AKAP7: variants seen among roughly 807,000 people sequenced by gnomAD.
AKAP7 encodes the protein A kinase (PRKA) anchor protein 7.
AKAP7 carries 39 observed loss-of-function variants against 39.5 expected under a neutral mutation model. The observed-to-expected ratio is 0.99, with a 90% CI of 0.76 to 1.29. AKAP7 has a LOEUF of 1.29. AKAP7 is among the 50% of genes most tolerant of loss of function. The probability of loss-of-function intolerance (pLI) is 0.00; values close to 1 mark genes in which losing one functional copy is unlikely to be tolerated. For missense variants in AKAP7, 414 were observed against 407.7 expected (o/e 1.02, Z -0.13); for synonymous variants, 140 against 139.1 (o/e 1.01, Z -0.05).
intron 6 of AKAP7, among the ~76,000 whole-genome samples, chr6:131,217,909 C>G (rs1188124721): frequency 6.6e-6 from 1 of 152,150 alleles, no homozygotes; most frequent in African/African-American, 2.4e-5. Context: ...CTGCACACCC[C>G]TACACACACA....
intron 7 of AKAP7, chr6:131,250,741 T>G: frequency 1.1e-6 from 1 of 948,898 alleles, no homozygotes; most frequent in Non-Finnish European, 1.6e-6. Flanking sequence ...TGGTTTTTAA[T>G]GTGTGTTTCT....
intron 4 of AKAP7, among the ~76,000 whole-genome samples, chr6:131,166,317 AAAG>A (rs1197075135): frequency 6.6e-6 from 1 of 152,172 alleles, no homozygotes; most frequent in Non-Finnish European, 1.5e-5. Flanking sequence ...AAGAGAATCC[AAAG>A]AAGATACTAC....
At chr6:131,198,449 G>T (rs1807175413) in intron 5 of AKAP7, among the ~76,000 whole-genome samples, 1 of 152,118 alleles carries the variant, frequency 6.6e-6, no homozygotes, top group African/African-American at 2.4e-5. Flanking sequence ...CTTGGGCATT[G>T]TTCTGGTACA....
In AKAP7 at chr6:131,165,196, T is replaced by G; in HGVS notation, c.407T>G (p.Leu136Ter). The G allele has an allele frequency of 6.2e-7, 1 of 1,607,228 alleles. No individual in the cohort carries two copies. The highest frequency in any genetic ancestry group is 8.5e-7 in the Non-Finnish European group (1 of 1,176,686). Residue 136 changes from leucine (L) to a stop codon, truncating the protein, a stop_gained, in exon 4 of 8, where the codon TTA becomes TGA. Transcript: ENST00000431975. LOFTEE classifies it high-confidence loss of function. Reference protein sequence around the residue: ...FHITLLVMQLLNEDEVNIGID... With the variant: ...FHITLLVMQL The stretch of plus-strand genomic sequence containing the variant: ...ATTACCCTGCTGGTGATGCAATTAT[T>G]AAATGAAGATGAAGTAAACATGTGA...
Position 131,165,123 on chromosome 6 carries a change from C to T in AKAP7, c.334C>T (p.Gln112Ter). ...IKILQNAIIQ[Q>*]DERLAKAMVS... Reference sequence around the variant, plus strand: ...GATCCTGCAGAATGCAATAATACAACAAGATGAGCGACTGGCCAAAGCAAT... The same window carrying T: ...GATCCTGCAGAATGCAATAATACAATAAGATGAGCGACTGGCCAAAGCAAT... The change falls in exon 4 of 8, where the codon CAA becomes TAA. Residue 112 changes from glutamine to a stop codon, truncating the protein, a stop_gained. Transcript: ENST00000431975. LOFTEE classifies it high-confidence loss of function. 1 of 1,611,396 alleles carries T rather than the reference C, an allele frequency of 6.2e-7. No individual in the cohort carries two copies. Among genetic ancestry groups the T allele is most frequent in the South Asian group, 1.1e-5 (1 of 90,660 alleles).
intron 5 of AKAP7, among the ~76,000 whole-genome samples, chr6:131,183,432 C>G (rs1452954914): frequency 6.6e-6 from 1 of 152,116 alleles, no homozygotes; most frequent in African/African-American, 2.4e-5. Context: ...GGCTGAATGC[C>G]CAGGTCCAGG....
chr6:131,280,267 A>C (rs1228024746), intron 7 of AKAP7, among the ~76,000 whole-genome samples: 1 of 152,088 alleles, frequency 6.6e-6, no homozygotes, highest in Admixed American at 6.5e-5. Flanking sequence ...GGTTCCCACT[A>C]TTAGTGTTTC....
Position 131,196,875 on chromosome 6 carries a change from T to G in AKAP7, c.590-2586T>G, listed in dbSNP as rs187249860. Among the ~76,000 whole-genome samples, 410 of 152,296 alleles carry G rather than the reference T, an allele frequency of 2.7e-3. 1 individual carries two copies. The highest frequency in any genetic ancestry group is 9.4e-3 in the African/African-American group (392 of 41,570). Reference sequence around the variant, plus strand: ...TTGTTAATGTATAGTGCATTTGTTATTGTGCTTATTTTATGTTTTAATTTT... The same window carrying G: ...TTGTTAATGTATAGTGCATTTGTTAGTGTGCTTATTTTATGTTTTAATTTT... On this transcript the variant is annotated intron_variant, in intron 5 of 7. Coordinates refer to ENST00000431975, the MANE Select transcript of AKAP7 (RefSeq NM_016377.4).
At chr6:131,144,848 G>T (rs12206629) in intron 1 of AKAP7, among the ~76,000 whole-genome samples, 31,120 of 152,110 alleles carry the variant, frequency 0.2, 3,824 homozygotes, top group Non-Finnish European at 0.27. Context: ...CAACTTAAAA[G>T]TCTTTATTGA....
At chr6:131,162,744 G>A (rs1336540114) in intron 3 of AKAP7, among the ~76,000 whole-genome samples, 1 of 152,122 alleles carries the variant, frequency 6.6e-6, no homozygotes, top group Non-Finnish European at 1.5e-5. Flanking sequence ...TCTGGCTGGA[G>A]CTTTCTCTTT....
chr6:131,274,644 C>T (rs1485516022), intron 7 of AKAP7, among the ~76,000 whole-genome samples: 2 of 152,060 alleles, frequency 1.3e-5, no homozygotes, highest in East Asian at 1.9e-4. Context: ...AGCTCTCTGC[C>T]TCTATATTTG....
At chr6:131,278,683 C>T (rs541271980) in intron 7 of AKAP7, among the ~76,000 whole-genome samples, 84 of 152,208 alleles carry the variant, frequency 5.5e-4, no homozygotes, top group African/African-American at 1.9e-3. Flanking sequence ...AGGTGCTACA[C>T]ATTTTCAAAC....
chr6:131,251,017 A>G (rs899280325), intron 7 of AKAP7, among the ~76,000 whole-genome samples: 5 of 152,250 alleles, frequency 3.3e-5, no homozygotes, highest in African/African-American at 1.2e-4. Context: ...GCAATGCTCA[A>G]CAGTAACAAA....
chr6:131,243,676 C>A (rs562599842), intron 7 of AKAP7, among the ~76,000 whole-genome samples: 1 of 152,150 alleles, frequency 6.6e-6, no homozygotes, highest in South Asian at 2.1e-4. Context: ...TGCCCAAGGT[C>A]AAACACTGGG....
the AKAP7 span, among the ~76,000 whole-genome samples, chr6:131,129,130 T>C: frequency 6.6e-6 from 1 of 151,630 alleles, no homozygotes. Context: ...CTACTAAAAA[T>C]ACAAAAATTA....
chr6:131,194,170 T>G (rs1040188060), intron 5 of AKAP7, among the ~76,000 whole-genome samples: 1 of 152,026 alleles, frequency 6.6e-6, no homozygotes, highest in Non-Finnish European at 1.5e-5. Flanking sequence ...TGTAGGCACT[T>G]AAAACAATAA....
At chr6:131,185,787 A>T (rs1422776262) in intron 5 of AKAP7, among the ~76,000 whole-genome samples, 1 of 152,190 alleles carries the variant, frequency 6.6e-6, no homozygotes, top group African/African-American at 2.4e-5. Context: ...TCATTCTATT[A>T]TATCCTATGA....
chr6:131,139,269 T>G (rs1800827836), intron 1 of AKAP7, among the ~76,000 whole-genome samples: 1 of 152,240 alleles, frequency 6.6e-6, no homozygotes, highest in Non-Finnish European at 1.5e-5. Flanking sequence ...GGCACTCCTT[T>G]TTTTTGAGTT....
chr6:131,246,591 G>A (rs796179405), intron 7 of AKAP7, among the ~76,000 whole-genome samples: 12 of 152,264 alleles, frequency 7.9e-5, no homozygotes, highest in African/African-American at 2.9e-4. Context: ...GAAGATGAAT[G>A]TGTTCAGGGG....
Sources: allele counts gnomAD v4.1 joint callset (sites outside exome capture counted in the v4.1 genomes callset), GRCh38; gene constraint gnomAD v4.1.1; transcripts MANE v1.5; gene names NCBI Gene and HGNC (gene_info 2026-07-23, HGNC 2026-07-21).